The following MPHOSPH9 variants were observed in gnomAD, a reference collection of about 807,000 sequenced individuals.
The protein encoded by MPHOSPH9 is M-phase phosphoprotein 9.
A neutral mutation model predicts 145.5 loss-of-function variants in MPHOSPH9; 88 were observed. The ratio of observed to expected loss-of-function variants is 0.60; its 90% confidence interval spans 0.51 to 0.72. The LOEUF (loss-of-function observed/expected upper bound fraction) is 0.72, where lower values mean the gene tolerates loss of function less well. Among genes scored for constraint, MPHOSPH9 ranks in the 30% least tolerant of loss-of-function variants. The pLI is 0.00. For synonymous variants in MPHOSPH9, 435 were observed against 486.2 expected, an observed-to-expected ratio of 0.89 and a Z score of 1.39; for missense variants, 1,238 against 1,386.6, an observed-to-expected ratio of 0.89 and a Z score of 1.70.
chr12:123,194,039 C>A (rs1030000567), intron 13 of MPHOSPH9, among the ~76,000 whole-genome samples: 1 of 152,004 alleles, frequency 6.6e-6, no homozygotes, highest in Non-Finnish European at 1.5e-5. Context: ...GAGGCTGAGG[C>A]GGGCGGATCA....
chr12:123,179,734 AAG>A (rs1199466778), intron 15 of MPHOSPH9, among the ~76,000 whole-genome samples, 190 bp downstream of exon 15: 3 of 151,080 alleles, frequency 2.0e-5, no homozygotes, highest in African/African-American at 7.3e-5. Context: ...AAAAAAAAAA[AAG>A]AGAGAGAGAG....
In MPHOSPH9 at chr12:123,199,685, C is replaced by T. The variant is rs1348850278; in HGVS notation, c.1938-1351G>A. Among the ~76,000 whole-genome samples, 5 of 150,778 alleles carry T rather than the reference C, an allele frequency of 3.3e-5. No individual in the cohort carries two copies. The East Asian group carries it at 7.9e-4, about 24-fold the overall frequency. ...GCGGGCGCCTGTAGTCCCAGCTACT[C>T]GGGAGGCTGAGGCAGGAGAATGGCA... On this transcript the variant is annotated intron_variant, in intron 11 of 23. Transcript: ENST00000606320.
intron 7 of MPHOSPH9, among the ~76,000 whole-genome samples, chr12:123,213,313 T>C (rs1232503542): frequency 2.0e-5 from 3 of 152,118 alleles, no homozygotes; most frequent in Non-Finnish European, 4.4e-5. Context: ...GCTATGATGT[T>C]TAATAAGCTA....
At chr12:123,179,810 C>A in intron 15 of MPHOSPH9, 116 bp downstream of exon 15, 21 of 408,412 alleles carry the variant, frequency 5.1e-5, no homozygotes, top group Non-Finnish European at 6.7e-5. Context: ...TAAGACAAAA[C>A]TAGTTCTCAA....
rs1727292 is a variant in MPHOSPH9 at position 123,170,046 on chromosome 12, T to C, written c.2457-3257A>G. Among the ~76,000 whole-genome samples, 374 of 151,576 alleles carry C rather than the reference T, an allele frequency of 2.5e-3. 3 individuals carry two copies. The highest frequency in any genetic ancestry group is 8.7e-3 in the African/African-American group (360 of 41,318). ...AGGCTAAAGTGCAGTGGCATGATCA[T>C]GGCTCAGTACAGCCTCGACCCCTCA... On this transcript the variant is annotated intron_variant, in intron 16 of 23. Coordinates refer to ENST00000606320, the MANE Select transcript of MPHOSPH9 (RefSeq NM_022782.4).
In MPHOSPH9 at chr12:123,187,543, AGGC is replaced by A. The variant is rs1215991583; in HGVS notation, c.2242-6336_2242-6334del. On this transcript the variant is annotated intron_variant, in intron 13 of 23. Transcript: ENST00000606320. ...ATGAAACAAAACAAAGCCAAGAAATAGGCAAAATAATTTTTACAAGAGCAAAAA... is the reference window on the plus strand; with the variant it reads ...ATGAAACAAAACAAAGCCAAGAAATAAAAATAATTTTTACAAGAGCAAAAA... Among the ~76,000 whole-genome samples the A allele has an allele frequency of 2.8e-4, 42 of 152,300 alleles. No individual in the cohort carries two copies. The South Asian group carries it at 8.5e-3, about 31-fold the overall frequency.
intron 13 of MPHOSPH9, among the ~76,000 whole-genome samples, chr12:123,193,494 A>T (rs1593152004): frequency 1.3e-5 from 2 of 152,236 alleles, no homozygotes; most frequent in South Asian, 4.1e-4. Context: ...ATGTTAAGAA[A>T]AATTTAGAAG....
chr12:123,187,845 G>C (rs888772432), intron 13 of MPHOSPH9, among the ~76,000 whole-genome samples: 1 of 152,154 alleles, frequency 6.6e-6, no homozygotes, highest in South Asian at 2.1e-4. Flanking sequence ...GTAATTCTGG[G>C]CTGGGCGCCG....
In MPHOSPH9 at chr12:123,169,842, G is replaced by A. The variant is rs545643904; in HGVS notation, c.2457-3053C>T. ...TAACCTTAAGTGATCTGCCCACCTTGGCCTCCCAAAGTGCTGGGATTACAG... is the reference window on the plus strand; with the variant it reads ...TAACCTTAAGTGATCTGCCCACCTTAGCCTCCCAAAGTGCTGGGATTACAG... On this transcript the variant is annotated intron_variant, in intron 16 of 23. Coordinates refer to ENST00000606320, the MANE Select transcript of MPHOSPH9 (RefSeq NM_022782.4). Among the ~76,000 whole-genome samples, 270 of 151,978 alleles carry A rather than the reference G, an allele frequency of 1.8e-3. 3 individuals carry two copies. The South Asian group carries it at 0.023, about 13-fold the overall frequency.
At chr12:123,168,223 G>A (rs182503565) in intron 16 of MPHOSPH9, among the ~76,000 whole-genome samples, 17 of 152,130 alleles carry the variant, frequency 1.1e-4, no homozygotes, top group East Asian at 3.9e-4. Flanking sequence ...CAAAGGCCGC[G>A]CTTCAGGTCT....
intron 15 of MPHOSPH9, 23 bp from the exon 16 acceptor site, chr12:123,176,812 A>T (rs376242873): frequency 9.7e-6 from 15 of 1,541,914 alleles, no homozygotes; most frequent in African/African-American, 1.4e-5. Flanking sequence ...CAATAAAGAT[A>T]AATTAAGTAC....
intron 7 of MPHOSPH9, among the ~76,000 whole-genome samples, chr12:123,212,212 A>G (rs2046757560): frequency 6.6e-6 from 1 of 152,100 alleles, no homozygotes; most frequent in Non-Finnish European, 1.5e-5. Flanking sequence ...ACTATTTTTG[A>G]ATCAGGTAAA....
chr12:123,220,346 A>G lies in MPHOSPH9; in HGVS notation c.872+1026T>C, dbSNP rs564755680. On this transcript the variant is annotated intron_variant, in intron 5 of 23. Coordinates refer to ENST00000606320, the MANE Select transcript of MPHOSPH9 (RefSeq NM_022782.4). ...TTTGGGAGGCTGAGGTGGGCACGTC[A>G]CCTGAGGTCAGGAGAGAGACCAGCC... Among the ~76,000 whole-genome samples the G allele has an allele frequency of 2.6e-5, 4 of 152,016 alleles. No homozygotes were observed. In the East Asian group the frequency reaches 7.7e-4, roughly 29 times the overall value.
chr12:123,226,288 A>G, intron 3 of MPHOSPH9: 1 of 1,083,300 alleles, frequency 9.2e-7, no homozygotes, highest in Non-Finnish European at 1.2e-6. Context: ...AAATAATTAC[A>G]CTTAGCAGTT....
Position 123,156,687 on chromosome 12 carries a change from C to T in MPHOSPH9, c.*120G>A. The T allele has an allele frequency of 3.4e-6, 2 of 592,786 alleles. No homozygotes were observed. Among genetic ancestry groups the T allele is most frequent in the East Asian group, 5.7e-5 (2 of 34,786 alleles). The allele number at this position is 592,786 out of a possible 1,614,324, so 36.7% of individuals were successfully genotyped here. ...TATAAAATAGCAAGTGTAAGAATAG[C>T]ATGATTGTAAAACTACTGTTTGAAG... On this transcript the variant is annotated 3_prime_UTR_variant, in exon 24 of 24. Transcript: ENST00000606320.
intron 17 of MPHOSPH9, among the ~76,000 whole-genome samples, chr12:123,166,021 C>T (rs941886788): frequency 6.6e-6 from 1 of 152,244 alleles, no homozygotes; most frequent in Non-Finnish European, 1.5e-5. Context: ...AGCATCTGCA[C>T]AGCACCCTGG....
intron 9 of MPHOSPH9, 47 bp from the exon 10 acceptor site, chr12:123,203,131 G>A: frequency 6.3e-7 from 1 of 1,586,924 alleles, no homozygotes; most frequent in Non-Finnish European, 8.6e-7. Context: ...ACTCGGCTTT[G>A]TTTTGCTTGT....
At chr12:123,190,457 T>C (rs538256893) in intron 13 of MPHOSPH9, among the ~76,000 whole-genome samples, 2 of 152,278 alleles carry the variant, frequency 1.3e-5, no homozygotes, top group South Asian at 4.1e-4. Context: ...GCCGGAGTAT[T>C]TTATTTCTTA....
At chr12:123,223,957 G>A (rs1321633385) in intron 3 of MPHOSPH9, among the ~76,000 whole-genome samples, 2 of 151,418 alleles carry the variant, frequency 1.3e-5, no homozygotes, top group Non-Finnish European at 2.9e-5. Context: ...TTTTGAGACG[G>A]AGTCTCTCGT....
Sources: allele counts gnomAD v4.1 joint callset (sites outside exome capture counted in the v4.1 genomes callset), GRCh38; gene constraint gnomAD v4.1.1; transcripts MANE v1.5; gene names NCBI Gene and HGNC (gene_info 2026-07-23, HGNC 2026-07-21).